NR3C2: variants seen among roughly 807,000 people sequenced by gnomAD.
NR3C2 encodes the protein mineralocorticoid receptor.
In NR3C2, 15 loss-of-function variants were observed where a neutral mutation model predicts 86.4. The observed-to-expected ratio is 0.17, with a 90% CI of 0.12 to 0.27. NR3C2 has a LOEUF of 0.27. Ranked by LOEUF, NR3C2 falls within the 10% of genes least tolerant of loss-of-function variation. The pLI, the probability that NR3C2 is intolerant of heterozygous loss-of-function variation, is 1.00. For missense variants in NR3C2, 960 were observed against 1,195.6 expected (o/e 0.80, Z 2.91); for synonymous variants, 458 against 450.5 (o/e 1.02, Z -0.21).
intron 3 of NR3C2, among the ~76,000 whole-genome samples, chr4:148,245,940 T>C (rs1739293696): frequency 6.6e-6 from 1 of 152,234 alleles, no homozygotes; most frequent in African/African-American, 2.4e-5. Flanking sequence ...ACTTATCTTA[T>C]GATTTACTTG....
chr4:148,335,190 TAAC>T lies in NR3C2; in HGVS notation c.1758-75076_1758-75074del, dbSNP rs1186807083. Among the ~76,000 whole-genome samples, 3 of 152,312 alleles carry T rather than the reference TAAC, an allele frequency of 2.0e-5. 1 individual carries two copies. Among genetic ancestry groups the T allele is most frequent in the African/African-American group, 7.2e-5 (3 of 41,570 alleles). ...GGGTGGGAGAAGATAATTCAGCCCA[TAAC>T]AACTGGTAACAGACCAAGTGATTCT... is the stretch of plus-strand genomic sequence containing the variant. On this transcript the variant is annotated intron_variant, in intron 2 of 8. Coordinates refer to ENST00000358102, the MANE Select transcript of NR3C2 (RefSeq NM_000901.5).
chr4:148,223,424 C>G (rs1307036872), intron 3 of NR3C2, among the ~76,000 whole-genome samples: 1 of 152,166 alleles, frequency 6.6e-6, no homozygotes, highest in African/African-American at 2.4e-5. Flanking sequence ...AGCACACAGA[C>G]TGTGTATTAT....
At chr4:148,373,112 ATTTG>A (rs1358600536) in intron 2 of NR3C2, among the ~76,000 whole-genome samples, 1 of 152,094 alleles carries the variant, frequency 6.6e-6, no homozygotes, top group Non-Finnish European at 1.5e-5. Flanking sequence ...AATAACTTTT[ATTTG>A]TTTGTCTTTC....
chr4:148,129,829 C>G (rs1252359679), intron 6 of NR3C2, among the ~76,000 whole-genome samples: 1 of 152,174 alleles, frequency 6.6e-6, no homozygotes, highest in African/African-American at 2.4e-5. Context: ...CTCCTGACCT[C>G]AGGTGATCTG....
At chr4:148,415,286 G>A (rs141239106) in intron 2 of NR3C2, among the ~76,000 whole-genome samples, 488 of 152,268 alleles carry the variant, frequency 3.2e-3, no homozygotes, top group African/African-American at 8.7e-3. Flanking sequence ...TAGAATGATG[G>A]AGCAGGAGGA....
chr4:148,355,440 T>C (rs993504763), intron 2 of NR3C2, among the ~76,000 whole-genome samples: 1 of 152,318 alleles, frequency 6.6e-6, no homozygotes, highest in South Asian at 2.1e-4. Flanking sequence ...ACTCCCACTC[T>C]GAACCCTCTA....
At chr4:148,364,814 GT>G (rs11330551) in intron 2 of NR3C2, among the ~76,000 whole-genome samples, 73,026 of 139,580 alleles carry the variant, frequency 0.52, 18,411 homozygotes, top group Middle Eastern at 0.62. Context: ...TTGGCTTTGG[GT>G]TTTTTTTTTT....
rs183121006 is a variant in NR3C2 at position 148,330,196 on chromosome 4, A to T, written c.1758-70079T>A. On this transcript the variant is annotated intron_variant, in intron 2 of 8. Transcript: ENST00000358102. ...GTTTTTGTCTTCATAAGACTCAGCA[A>T]ATAGTAACTAATTAATCCTAATGAA... 1.8e-4 allele frequency among the ~76,000 whole-genome samples: 28 copies of T among 152,310 alleles called. 1 individual carries two copies. In the East Asian group the frequency reaches 4.8e-3, roughly 26 times the overall value.
At chr4:148,411,523 A>G (rs1371438978) in intron 2 of NR3C2, among the ~76,000 whole-genome samples, 1 of 152,198 alleles carries the variant, frequency 6.6e-6, no homozygotes, top group Non-Finnish European at 1.5e-5. Context: ...CTTCCATTAT[A>G]TGCACACATA....
At chr4:148,226,947 T>C (rs1464644391) in intron 3 of NR3C2, among the ~76,000 whole-genome samples, 1 of 152,174 alleles carries the variant, frequency 6.6e-6, no homozygotes, top group African/African-American at 2.4e-5. Flanking sequence ...AATTTCAGAC[T>C]AACAAAAAAG....
chr4:148,200,722 G>A (rs1736677951), intron 3 of NR3C2, among the ~76,000 whole-genome samples: 1 of 152,214 alleles, frequency 6.6e-6, no homozygotes, highest in South Asian at 2.1e-4. Flanking sequence ...ACCACACAAA[G>A]CACTTAAAAT....
chr4:148,426,110 C>T (rs1248108587), intron 2 of NR3C2, among the ~76,000 whole-genome samples: 1 of 152,200 alleles, frequency 6.6e-6, no homozygotes. Flanking sequence ...TTTCTTTGCG[C>T]TACCATCTCC....
At chr4:148,308,451 CATG>C (rs1283204147) in intron 2 of NR3C2, among the ~76,000 whole-genome samples, 2 of 152,146 alleles carry the variant, frequency 1.3e-5, no homozygotes, top group East Asian at 3.9e-4. Flanking sequence ...AAAAAAACTA[CATG>C]ATGAGTACCA....
intron 2 of NR3C2, among the ~76,000 whole-genome samples, chr4:148,402,639 T>C (rs1168270338): frequency 4.6e-5 from 7 of 152,238 alleles, no homozygotes; most frequent in Non-Finnish European, 8.8e-5. Flanking sequence ...AATCGCTATA[T>C]AAGTCCTTGA....
chr4:148,436,404 T>C lies in NR3C2; in HGVS notation c.457A>G (p.Thr153Ala). The change falls in exon 2 of 9, where the codon ACT (threonine) becomes GCT (alanine). Residue 153 changes from threonine (T) to alanine (A), a missense_variant. Thr to Ala is a moderately conservative substitution (Grantham distance 58). Transcript: ENST00000358102. ...FYKGNGHRPS[T>A]LSCVNTPLRS... The stretch of plus-strand genomic sequence containing the variant: ...AAGGGCGTGTTCACACAACTTAGAG[T>C]GGAAGGACGATGGCCATTTCCTTTG... 6.2e-7 allele frequency: 1 copy of C among 1,614,064 alleles called. No individual in the cohort carries two copies. Among genetic ancestry groups the C allele is most frequent in the Non-Finnish European group, 8.5e-7 (1 of 1,180,018 alleles).
chr4:148,201,601 C>G (rs944556699), intron 3 of NR3C2, among the ~76,000 whole-genome samples: 2 of 152,196 alleles, frequency 1.3e-5, no homozygotes, highest in Admixed American at 6.5e-5. Context: ...CAGACATCCT[C>G]AACTATAGAC....
At chr4:148,128,771 T>C (rs1179173301) in intron 6 of NR3C2, among the ~76,000 whole-genome samples, 10 of 152,206 alleles carry the variant, frequency 6.6e-5, no homozygotes, top group Admixed American at 6.5e-4. Context: ...GTGTTACCCC[T>C]GAAATTCGGC....
At chr4:148,191,561 A>C (rs1736196361) in intron 4 of NR3C2, among the ~76,000 whole-genome samples, 1 of 152,204 alleles carries the variant, frequency 6.6e-6, no homozygotes, top group Non-Finnish European at 1.5e-5. Flanking sequence ...TTTCTCGATT[A>C]TTCCCCCAAA....
chr4:148,302,692 G>A (rs1742399832), intron 2 of NR3C2, among the ~76,000 whole-genome samples: 1 of 151,884 alleles, frequency 6.6e-6, no homozygotes, highest in African/African-American at 2.4e-5. Context: ...AGTCCCCATA[G>A]GGTCCTAACC....
Sources: gnomAD v4.1 joint callset for allele counts (sites outside exome capture counted in the v4.1 genomes callset) on GRCh38, gnomAD v4.1.1 for gene constraint, MANE v1.5 for transcripts, NCBI Gene and HGNC (gene_info 2026-07-23, HGNC 2026-07-21) for gene names.